Variants in RNLS observed in about 807,000 individuals in gnomAD.
RNLS encodes renalase.
RNLS carries 39 observed loss-of-function variants against 39.8 expected under a neutral mutation model. The ratio of observed to expected loss-of-function variants is 0.98; its 90% CI spans 0.76 to 1.28. The LOEUF is 1.28. Among genes scored for constraint, RNLS ranks in the 50% most tolerant of loss-of-function variants. The pLI is 0.00. For missense variants in RNLS, 410 were observed against 413.3 expected, an observed-to-expected ratio of 0.99 and a Z score of 0.07; for synonymous variants, 147 against 150.7, an observed-to-expected ratio of 0.98 and a Z score of 0.18.
rs906633945 is a variant in RNLS at position 88,461,562 on chromosome 10, C to T, written c.527-98837G>A. On this transcript the variant is annotated intron_variant, in intron 4 of 6. Coordinates refer to ENST00000331772, the MANE Select transcript of RNLS (RefSeq NM_001031709.3). ...TTTCCCACAACACCATCTTTTGCCT[C>T]TATCAGGGTTTATCTATCTTGTGGA... 1.1e-4 allele frequency among the ~76,000 whole-genome samples: 16 copies of T among 152,234 alleles called. 1 individual carries two copies. The highest frequency in any genetic ancestry group is 3.9e-4 in the African/African-American group (16 of 41,546).
intron 6 of RNLS, among the ~76,000 whole-genome samples, chr10:88,305,651 C>A (rs1173904347): frequency 6.6e-6 from 1 of 152,052 alleles, no homozygotes; most frequent in Non-Finnish European, 1.5e-5. Context: ...TATATGCACC[C>A]AATACAGGAG....
intron 4 of RNLS, among the ~76,000 whole-genome samples, chr10:88,501,506 A>G (rs979147244): frequency 6.6e-6 from 1 of 152,178 alleles, no homozygotes; most frequent in African/African-American, 2.4e-5. Context: ...AATAGTGTGG[A>G]TTCTTAAACA....
rs1564717142 is a variant in RNLS at position 88,349,689 on chromosome 10, A to ATTTTT, written c.700+12862_700+12863insAAAAA. Among the ~76,000 whole-genome samples the ATTTTT allele has an allele frequency of 4.3e-4, 65 of 152,124 alleles. 2 individuals carry two copies. The East Asian group carries it at 0.013, about 29-fold the overall frequency. The stretch of plus-strand genomic sequence containing the variant: ...TGCCTATTAATTTAAATAACAAAAA[A>ATTTTT]TATTTATTTTTACGTATGTATATAT... On this transcript the variant is annotated intron_variant, in intron 5 of 6. Coordinates refer to ENST00000331772, the MANE Select transcript of RNLS (RefSeq NM_001031709.3).
At chr10:88,172,571 A>G in the RNLS span, among the ~76,000 whole-genome samples, 1 of 152,136 alleles carries the variant, frequency 6.6e-6, no homozygotes, top group South Asian at 2.1e-4. Flanking sequence ...TATTCTAGAC[A>G]TTAGTCCCTT....
At chr10:88,349,155 G>A (rs1440087866) in intron 5 of RNLS, among the ~76,000 whole-genome samples, 1 of 152,108 alleles carries the variant, frequency 6.6e-6, no homozygotes, top group African/African-American at 2.4e-5. Flanking sequence ...AAATATTTGG[G>A]AGTTCAATTG....
chr10:88,523,848 G>A (rs917868489), intron 4 of RNLS, among the ~76,000 whole-genome samples: 3 of 152,002 alleles, frequency 2.0e-5, no homozygotes, highest in Non-Finnish European at 2.9e-5. Context: ...CCTTACCATT[G>A]AGCCAGGACA....
chr10:88,447,248 G>A (rs1011194850), intron 4 of RNLS, among the ~76,000 whole-genome samples: 2 of 152,192 alleles, frequency 1.3e-5, no homozygotes, highest in Admixed American at 6.5e-5. Context: ...TGTCATGATT[G>A]TATATCTAGA....
At chr10:88,331,606 G>C (rs544348515) in intron 5 of RNLS, among the ~76,000 whole-genome samples, 1 of 152,276 alleles carries the variant, frequency 6.6e-6, no homozygotes, top group Admixed American at 6.5e-5. Context: ...TAAGTAAAGG[G>C]GAGGACTTAG....
At chr10:88,214,757 G>T in the RNLS span, among the ~76,000 whole-genome samples, 1 of 152,016 alleles carries the variant, frequency 6.6e-6, no homozygotes, top group Non-Finnish European at 1.5e-5. Flanking sequence ...CATTTTGCTT[G>T]CTATTTGTAG....
Position 88,558,048 on chromosome 10 carries a change from T to C in RNLS, c.526+14855A>G, listed in dbSNP as rs752278053. Among the ~76,000 whole-genome samples, 16 of 152,174 alleles carry C rather than the reference T, an allele frequency of 1.1e-4. 1 individual carries two copies. Among genetic ancestry groups the C allele is most frequent in the Admixed American group, 3.3e-4 (5 of 15,252 alleles). On this transcript the variant is annotated intron_variant, in intron 4 of 6. Coordinates refer to ENST00000331772, the MANE Select transcript of RNLS (RefSeq NM_001031709.3). ...CTTTCCTTCTGTTAGGGTAGCAACC[T>C]GGTGGCCTAGTTTAAAACATCACAC...
chr10:88,562,735 A>G (rs1379957625), intron 4 of RNLS, among the ~76,000 whole-genome samples: 5 of 152,178 alleles, frequency 3.3e-5, no homozygotes, highest in African/African-American at 4.8e-5. Context: ...ACTTACCCCA[A>G]TAAATGTAAA....
intron 4 of RNLS, among the ~76,000 whole-genome samples, chr10:88,477,669 G>A (rs1325906): frequency 0.18 from 27,033 of 152,144 alleles, 2,713 homozygotes; most frequent in Admixed American, 0.27. Flanking sequence ...TCTTCTGTGT[G>A]CTTGACACTA....
intron 4 of RNLS, among the ~76,000 whole-genome samples, chr10:88,429,750 A>G (rs1855025361): frequency 6.6e-6 from 1 of 151,820 alleles, no homozygotes; most frequent in South Asian, 2.1e-4. Context: ...AATTTTTTTC[A>G]TGCATATAGC....
chr10:88,556,252 T>A (rs1167553136), intron 4 of RNLS, among the ~76,000 whole-genome samples: 2 of 152,168 alleles, frequency 1.3e-5, no homozygotes, highest in African/African-American at 4.8e-5. Context: ...GCCATACTTT[T>A]GAAATCAAGT....
At chr10:88,450,849 A>C (rs1236891587) in intron 4 of RNLS, among the ~76,000 whole-genome samples, 5 of 152,252 alleles carry the variant, frequency 3.3e-5, no homozygotes, top group African/African-American at 1.2e-4. Context: ...TTTGTACATG[A>C]GTTGTGAGTA....
At chr10:88,444,461 G>A (rs1189315400) in intron 4 of RNLS, among the ~76,000 whole-genome samples, 1 of 152,208 alleles carries the variant, frequency 6.6e-6, no homozygotes, top group African/African-American at 2.4e-5. Flanking sequence ...ACAGAACAAA[G>A]CTGGACAGAG....
the RNLS span, among the ~76,000 whole-genome samples, chr10:88,178,837 G>A: frequency 6.6e-6 from 1 of 152,094 alleles, no homozygotes; most frequent in Non-Finnish European, 1.5e-5. Context: ...CATACTATCT[G>A]GGGCTCCCAT....
chr10:88,531,995 C>T (rs1847454662), intron 4 of RNLS, among the ~76,000 whole-genome samples: 1 of 152,040 alleles, frequency 6.6e-6, no homozygotes, highest in African/African-American at 2.4e-5. Flanking sequence ...TTCCTCCAAC[C>T]CCCATCTCTA....
At chr10:88,186,112 C>G in the RNLS span, among the ~76,000 whole-genome samples, 1 of 152,148 alleles carries the variant, frequency 6.6e-6, no homozygotes, top group African/African-American at 2.4e-5. Context: ...AGAATATTTT[C>G]TAGCTTAATC....
Sources: allele counts gnomAD v4.1 joint callset (sites outside exome capture counted in the v4.1 genomes callset), GRCh38; gene constraint gnomAD v4.1.1; transcripts MANE v1.5; gene names NCBI Gene and HGNC (gene_info 2026-07-23, HGNC 2026-07-21).